PKIA: variants seen among roughly 807,000 people sequenced by gnomAD.
PKIA encodes the protein PKI-alpha.
A neutral mutation model predicts 7.6 loss-of-function variants in PKIA; 4 were observed. The ratio of observed to expected loss-of-function variants is 0.52; its 90% CI spans 0.26 to 1.20. The LOEUF (loss-of-function observed/expected upper bound fraction) is 1.20. PKIA is among the 50% of genes most tolerant of loss of function. PKIA has a pLI of 0.13. For missense variants in PKIA, 73 were observed against 86.2 expected (o/e 0.85, Z 0.61); for synonymous variants, 21 against 30.7 (o/e 0.68, Z 1.04).
intron 2 of PKIA, among the ~76,000 whole-genome samples, chr8:78,574,870 A>G (rs959142960): frequency 6.6e-6 from 1 of 151,906 alleles, no homozygotes; most frequent in African/African-American, 2.4e-5. Context: ...TAAAATTTCT[A>G]CACAGCCAAA....
chr8:78,590,477 T>A (rs1226829525), intron 2 of PKIA, among the ~76,000 whole-genome samples: 1 of 151,944 alleles, frequency 6.6e-6, no homozygotes, highest in Non-Finnish European at 1.5e-5. Flanking sequence ...CTAAAAAAAA[T>A]AATATCTCTG....
intron 1 of PKIA, among the ~76,000 whole-genome samples, chr8:78,538,447 GACTA>G (rs929702847): frequency 6.6e-6 from 1 of 151,964 alleles, no homozygotes; most frequent in Non-Finnish European, 1.5e-5. Context: ...AAAGTTTCAA[GACTA>G]ACTAGAATAA....
intron 1 of PKIA, among the ~76,000 whole-genome samples, chr8:78,553,722 T>C (rs1807048768): frequency 1.5e-5 from 2 of 130,474 alleles, no homozygotes; most frequent in South Asian, 5.6e-4. Context: ...AGCCACTCTA[T>C]TTTAAAACAA....
At chr8:78,598,290 A>C (rs6990845) in intron 2 of PKIA, 68 bp from the exon 3 acceptor site, 1 of 910,370 alleles carries the variant, frequency 1.1e-6, no homozygotes, top group East Asian at 2.5e-5. Context: ...TCATATACTA[A>C]GTCGGTAGTT....
chr8:78,578,170 A>C (rs1807720897), intron 2 of PKIA, among the ~76,000 whole-genome samples: 1 of 152,036 alleles, frequency 6.6e-6, no homozygotes, highest in Non-Finnish European at 1.5e-5. Context: ...CACCCATAAA[A>C]ATGAACCATG....
At chr8:78,529,601 CA>C (rs2118356225) in intron 1 of PKIA, among the ~76,000 whole-genome samples, 1 of 151,906 alleles carries the variant, frequency 6.6e-6, no homozygotes, top group African/African-American at 2.4e-5. Context: ...ATCAAACAAA[CA>C]AAAGTATGGG....
intron 1 of PKIA, among the ~76,000 whole-genome samples, chr8:78,537,707 C>T (rs1462123166): frequency 6.6e-6 from 1 of 151,478 alleles, no homozygotes; most frequent in African/African-American, 2.4e-5. Flanking sequence ...GAGCCACTCA[C>T]TAAATACTTC....
intron 1 of PKIA, among the ~76,000 whole-genome samples, chr8:78,536,703 T>C (rs1308034147): frequency 6.6e-6 from 1 of 152,096 alleles, no homozygotes; most frequent in Non-Finnish European, 1.5e-5. Context: ...AAAGCATATA[T>C]AAGAGTTTCT....
chr8:78,518,854 G>C (rs1440930642), intron 1 of PKIA, among the ~76,000 whole-genome samples: 1 of 152,144 alleles, frequency 6.6e-6, no homozygotes, highest in Non-Finnish European at 1.5e-5. Flanking sequence ...GTACAACTGA[G>C]GAAGATAATC....
At chr8:78,552,360 TGGAA>T (rs1400046367) in intron 1 of PKIA, among the ~76,000 whole-genome samples, 3 of 150,588 alleles carry the variant, frequency 2.0e-5, no homozygotes, top group Non-Finnish European at 3.0e-5. Context: ...AGTTGCATAC[TGGAA>T]GGAAGGAAGA....
At chr8:78,597,391 C>G (rs1474302482) in intron 2 of PKIA, among the ~76,000 whole-genome samples, 1 of 152,086 alleles carries the variant, frequency 6.6e-6, no homozygotes, top group Non-Finnish European at 1.5e-5. Flanking sequence ...AATGACTTAT[C>G]AAGGGGAACG....
intron 2 of PKIA, among the ~76,000 whole-genome samples, chr8:78,596,901 G>T (rs1253724968): frequency 1.3e-5 from 2 of 152,136 alleles, no homozygotes; most frequent in Admixed American, 6.5e-5. Context: ...TCTACATGTG[G>T]CTAGCCAGTT....
At chr8:78,567,544 C>T (rs952132563) in intron 1 of PKIA, among the ~76,000 whole-genome samples, 1 of 151,944 alleles carries the variant, frequency 6.6e-6, no homozygotes. Flanking sequence ...GATGACTTAT[C>T]ACTGCTGATG....
intron 1 of PKIA, among the ~76,000 whole-genome samples, chr8:78,569,991 A>G (rs1297876490): frequency 6.6e-6 from 1 of 152,128 alleles, no homozygotes; most frequent in East Asian, 1.9e-4. Flanking sequence ...AACAGAGAGG[A>G]AAACATAGGC....
At chr8:78,562,772 C>T (rs1442173602) in intron 1 of PKIA, among the ~76,000 whole-genome samples, 1 of 151,976 alleles carries the variant, frequency 6.6e-6, no homozygotes, top group Non-Finnish European at 1.5e-5. Context: ...CCTCCCCCAC[C>T]CCACTCCCAA....
At chr8:78,600,685 T>C (rs1808331463) in intron 3 of PKIA, among the ~76,000 whole-genome samples, 1 of 152,114 alleles carries the variant, frequency 6.6e-6, no homozygotes, top group South Asian at 2.1e-4. Flanking sequence ...GAAAATTATA[T>C]ATAATGTCTG....
rs146001027 is a variant in PKIA at position 78,561,442 on chromosome 8, G to A, written c.-156-11369G>A. On this transcript the variant is annotated intron_variant, in intron 1 of 3. Coordinates refer to ENST00000396418, the MANE Select transcript of PKIA (RefSeq NM_006823.4). The stretch of plus-strand genomic sequence containing the variant: ...GTAATTAGCCTACCCCACTGCTCTA[G>A]GCTAGGCCAAGTTTTTTTGTTTTTT... 3.4e-3 allele frequency among the ~76,000 whole-genome samples: 506 copies of A among 149,620 alleles called. 2 individuals are homozygous for A. The highest frequency in any genetic ancestry group is 0.012 in the African/African-American group (471 of 39,280).
At chr8:78,595,665 A>T (rs1020566366) in intron 2 of PKIA, among the ~76,000 whole-genome samples, 5 of 152,122 alleles carry the variant, frequency 3.3e-5, no homozygotes, top group Non-Finnish European at 5.9e-5. Flanking sequence ...GCTACCACTT[A>T]TAAGTGAGAA....
chr8:78,570,916 T>C (rs1195949398), intron 1 of PKIA, among the ~76,000 whole-genome samples: 1 of 152,174 alleles, frequency 6.6e-6, no homozygotes, highest in African/African-American at 2.4e-5. Flanking sequence ...CTGCTAATAT[T>C]TCTCACTTAT....
Sources: allele counts gnomAD v4.1 joint callset (sites outside exome capture counted in the v4.1 genomes callset), GRCh38; gene constraint gnomAD v4.1.1; transcripts MANE v1.5; gene names NCBI Gene and HGNC (gene_info 2026-07-23, HGNC 2026-07-21).